The following SLC6A16 variants were observed in gnomAD, a reference collection of about 807,000 sequenced individuals.
The protein encoded by SLC6A16 is solute carrier family 6 member 16.
SLC6A16 carries 54 observed loss-of-function variants against 65.4 expected under a neutral mutation model. The ratio of observed to expected loss-of-function variants is 0.83; its 90% CI spans 0.66 to 1.04. The LOEUF (loss-of-function observed/expected upper bound fraction) is 1.04, where lower values mean the gene tolerates loss of function less well. SLC6A16 is among the 50% of genes least tolerant of loss of function. SLC6A16 has a pLI of 0.00. For missense variants in SLC6A16, 816 were observed against 914.0 expected, an observed-to-expected ratio of 0.89 and a Z score of 1.38; for synonymous variants, 330 against 346.5, an observed-to-expected ratio of 0.95 and a Z score of 0.53.
At chr19:49,294,261 T>C in intron 8 of SLC6A16, 106 bp downstream of exon 8, 1 of 1,141,810 alleles carries the variant, frequency 8.8e-7, no homozygotes, top group Non-Finnish European at 1.3e-6. Context: ...CCACAGATGA[T>C]TCTGGTGCTT....
At position 49,290,373 on chromosome 19, in the gene SLC6A16, G is replaced by C; in HGVS notation, c.1961C>G (p.Pro654Arg). The change falls in exon 12 of 12, where the codon CCA becomes CGA. Residue 654 changes from proline to arginine, a missense_variant. Physicochemically the swap from Pro to Arg is moderately radical, Grantham distance 103. Transcript: ENST00000335875. Reference sequence around the variant, plus strand: ...CAAGAGCAGTGCCCACGGTGGGTATGGTCGAAGCACCTCTTTTGACTGTGG... The same window carrying C: ...CAAGAGCAGTGCCCACGGTGGGTATCGTCGAAGCACCTCTTTTGACTGTGG... ...DSSTSKEVLRPYPPWALLLMI... is the reference protein window; with the variant it reads ...DSSTSKEVLRRYPPWALLLMI... The C allele has an allele frequency of 5.6e-6, 9 of 1,613,382 alleles. No homozygotes were observed. The highest frequency in any genetic ancestry group is 7.6e-6 in the Non-Finnish European group (9 of 1,179,588).
upstream of SLC6A16, among the ~76,000 whole-genome samples, chr19:49,327,835 A>G (rs1970813784): frequency 6.6e-6 from 1 of 152,192 alleles, no homozygotes; most frequent in South Asian, 2.1e-4. Context: ...GCAACAGCAA[A>G]AGCCTTGAGG....
intron 5 of SLC6A16, 96 bp from the exon 6 acceptor site, chr19:49,309,507 A>C: frequency 7.9e-7 from 1 of 1,268,770 alleles, no homozygotes; most frequent in Non-Finnish European, 1.1e-6. Context: ...AATGAGTAGG[A>C]GTTAGAAGAA....
intron 7 of SLC6A16, chr19:49,305,969 T>C (rs932316009): frequency 6.6e-6 from 1 of 152,176 alleles, no homozygotes; most frequent in African/African-American, 2.4e-5. Flanking sequence ...AAAACTGTGG[T>C]ATATTCATAT....
chr19:49,335,894 C>T, the SLC6A16 span: 2 of 887,372 alleles, frequency 2.3e-6, no homozygotes, highest in South Asian at 1.4e-5. The surrounding 1 kb of genome is among the most constrained non-coding windows in gnomAD (Gnocchi z 4.6). Context: ...AGGCAGGCTA[C>T]AGGCTCCCAT....
chr19:49,312,476 C>A, intron 1 of SLC6A16: 1 of 721,370 alleles, frequency 1.4e-6, no homozygotes, highest in Non-Finnish European at 1.7e-6. Flanking sequence ...CCATCTCTGC[C>A]TACTGCTCTA....
chr19:49,302,465 T>C (rs905667991), intron 7 of SLC6A16, among the ~76,000 whole-genome samples: 4 of 152,164 alleles, frequency 2.6e-5, no homozygotes, highest in African/African-American at 7.2e-5. Flanking sequence ...CCACCCACAG[T>C]TGGCACTCTG....
At chr19:49,337,035 T>A in the SLC6A16 span, 1 of 1,613,156 alleles carries the variant, frequency 6.2e-7, no homozygotes, top group Non-Finnish European at 8.5e-7. Flanking sequence ...CTGGGCCTGG[T>A]GAGTGCACCA....
At chr19:49,321,498 G>A (rs1970710237) in intron 1 of SLC6A16, among the ~76,000 whole-genome samples, 1 of 151,914 alleles carries the variant, frequency 6.6e-6, no homozygotes, top group South Asian at 2.1e-4. Flanking sequence ...CACTTTGGGA[G>A]GCCAAGGCGG....
chr19:49,324,224 G>A (rs563179846), intron 1 of SLC6A16, among the ~76,000 whole-genome samples: 1 of 152,186 alleles, frequency 6.6e-6, no homozygotes, highest in African/African-American at 2.4e-5. Context: ...CCAGCTACTT[G>A]GGAGGCTGAG....
chr19:49,328,119 CCT>C (rs1464893983), upstream of SLC6A16, among the ~76,000 whole-genome samples: 1 of 152,066 alleles, frequency 6.6e-6, no homozygotes, highest in African/African-American at 2.4e-5. Context: ...TGGGTGTATT[CCT>C]CTGTTTTCAC....
chr19:49,296,020 C>T (rs926933645), intron 7 of SLC6A16, among the ~76,000 whole-genome samples: 6 of 152,150 alleles, frequency 3.9e-5, no homozygotes, highest in African/African-American at 1.4e-4. Context: ...GATGGAGCCT[C>T]GCTCTGTCGC....
chr19:49,330,498 G>A, the SLC6A16 span, among the ~76,000 whole-genome samples: 2 of 152,202 alleles, frequency 1.3e-5, no homozygotes, highest in Non-Finnish European at 2.9e-5. Flanking sequence ...ACGATCCAAT[G>A]AAGATTGAGG....
upstream of SLC6A16, among the ~76,000 whole-genome samples, chr19:49,328,261 G>T (rs1427902270): frequency 6.6e-6 from 1 of 152,124 alleles, no homozygotes; most frequent in Non-Finnish European, 1.5e-5. Flanking sequence ...GGGAAAAAAG[G>T]CACCTTCTTC....
intron 6 of SLC6A16, 49 bp from the exon 7 acceptor site, chr19:49,309,166 G>A: frequency 6.2e-7 from 1 of 1,606,766 alleles, no homozygotes; most frequent in South Asian, 1.1e-5. Context: ...AAGAAGCAGA[G>A]GACAACTATA....
the SLC6A16 span, chr19:49,338,793 T>C: frequency 6.2e-7 from 1 of 1,614,074 alleles, no homozygotes; most frequent in Non-Finnish European, 8.5e-7. This position sits in a 1 kb window ranked among gnomAD's most constrained non-coding sequence, Gnocchi z 5.0. Context: ...GCCCTGCTCC[T>C]GCTACAACTT....
rs759467879 is a variant in SLC6A16 at position 49,311,029 on chromosome 19, A to G, written c.319T>C (p.Ser107Pro). The change falls in exon 2 of 12, where the codon TCC becomes CCC. Residue 107 changes from serine to proline, a missense_variant. Ser to Pro is a moderately conservative substitution (Grantham distance 74). Coordinates refer to ENST00000335875, the MANE Select transcript of SLC6A16 (RefSeq NM_014037.3). Reference protein sequence around the residue: ...SEVLLARPFWSSKTEYILAQV... With the variant: ...SEVLLARPFWPSKTEYILAQV... Reference sequence around the variant, plus strand: ...GCCAGAATATACTCAGTTTTGCTGGACCAGAACGGACGGGCAAGGAGGACC... The same window carrying G: ...GCCAGAATATACTCAGTTTTGCTGGGCCAGAACGGACGGGCAAGGAGGACC... 1 of 1,614,194 alleles carries G rather than the reference A, an allele frequency of 6.2e-7. No homozygotes were observed. Among genetic ancestry groups the G allele is most frequent in the East Asian group, 2.2e-5 (1 of 44,880 alleles).
the SLC6A16 span, chr19:49,339,976 G>A: frequency 2.8e-6 from 4 of 1,426,282 alleles, no homozygotes; most frequent in African/African-American, 2.9e-5. The surrounding 1 kb of genome is among the most constrained non-coding windows in gnomAD (Gnocchi z 4.5). Context: ...GGCAGAGGGG[G>A]AAGACAGATG....
chr19:49,300,359 A>ATAAC (rs1191480020), intron 7 of SLC6A16, among the ~76,000 whole-genome samples: 1 of 152,190 alleles, frequency 6.6e-6, no homozygotes, highest in East Asian at 1.9e-4. Flanking sequence ...AAAACATGAT[A>ATAAC]TAACATTCAA....
Sources: allele counts gnomAD v4.1 joint callset (sites outside exome capture counted in the v4.1 genomes callset), GRCh38; gene constraint gnomAD v4.1.1; non-coding constraint Gnocchi (gnomAD v3.1); transcripts MANE v1.5; gene names NCBI Gene and HGNC (gene_info 2026-07-23, HGNC 2026-07-21).